Variants in TXNDC12 observed in about 807,000 individuals in gnomAD.
The protein encoded by TXNDC12 is thioredoxin domain-containing protein 12.
Under a neutral mutation model 24.2 loss-of-function variants are expected in TXNDC12, and 22 were observed. The ratio of observed to expected loss-of-function variants is 0.91; its 90% confidence interval spans 0.65 to 1.30. The LOEUF is 1.30. TXNDC12 is among the 50% of genes most tolerant of loss of function. TXNDC12 has a pLI of 0.00. For synonymous variants in TXNDC12, 58 were observed against 73.4 expected (o/e 0.79, Z 1.07); for missense variants, 184 against 205.8 (o/e 0.89, Z 0.65).
intron 1 of TXNDC12, among the ~76,000 whole-genome samples, chr1:52,042,258 C>CT (rs1170164046): frequency 1.3e-5 from 2 of 151,986 alleles, no homozygotes; most frequent in African/African-American, 4.8e-5. Context: ...ACAGAATGGT[C>CT]TTTCTAAATC....
At chr1:52,056,056 C>T (rs1686339103), upstream of TXNDC12, 1 of 152,176 alleles carries the variant, frequency 6.6e-6, no homozygotes, top group Non-Finnish European at 1.5e-5. Flanking sequence ...TAAAAACATA[C>T]CGACCACCCT....
chr1:52,039,662 C>T (rs1306997191), intron 2 of TXNDC12, among the ~76,000 whole-genome samples: 2 of 152,178 alleles, frequency 1.3e-5, no homozygotes, highest in Non-Finnish European at 2.9e-5. Flanking sequence ...ATACGCAATA[C>T]ACTGGAGAGA....
At chr1:52,026,611 A>C (rs1685674714) in intron 4 of TXNDC12, among the ~76,000 whole-genome samples, 1 of 152,194 alleles carries the variant, frequency 6.6e-6, no homozygotes, top group Admixed American at 6.5e-5. Context: ...AAATCTAGTC[A>C]TCTTAAGGCT....
intron 6 of TXNDC12, among the ~76,000 whole-genome samples, chr1:52,022,368 AC>A (rs1685610063): frequency 6.6e-6 from 1 of 152,158 alleles, no homozygotes. Flanking sequence ...AAAAAGCATG[AC>A]TGGCTGACGA....
At chr1:52,032,497 C>T (rs1045777549) in intron 2 of TXNDC12, 2 of 1,347,992 alleles carry the variant, frequency 1.5e-6, no homozygotes, top group Non-Finnish European at 1.9e-6. Context: ...CACAATAGTT[C>T]TCCATTCTCT....
chr1:52,037,578 C>A (rs1685908186), intron 2 of TXNDC12, among the ~76,000 whole-genome samples: 1 of 152,100 alleles, frequency 6.6e-6, no homozygotes, highest in South Asian at 2.1e-4. Flanking sequence ...GAGTATTGTC[C>A]AACATCAAAA....
intron 4 of TXNDC12, among the ~76,000 whole-genome samples, 190 bp downstream of exon 4, chr1:52,027,085 C>T (rs1571998581): frequency 6.6e-6 from 1 of 152,008 alleles, no homozygotes; most frequent in East Asian, 1.9e-4. Flanking sequence ...CTCCTAGTTC[C>T]TCCCAGAAAT....
chr1:52,054,926 C>A, intron 1 of TXNDC12, 74 bp downstream of exon 1: 1 of 1,185,202 alleles, frequency 8.4e-7, no homozygotes, highest in Non-Finnish European at 1.3e-6. Flanking sequence ...GGGAACGGTG[C>A]TAGGGCAAGA....
chr1:52,032,745 C>T (rs760822450), intron 2 of TXNDC12: 9 of 1,613,440 alleles, frequency 5.6e-6, no homozygotes, highest in South Asian at 1.1e-5. Flanking sequence ...TGGCCAGTTG[C>T]GGCAAGTTCT....
At chr1:52,041,420 T>C (rs1310714978) in intron 2 of TXNDC12, 117 bp downstream of exon 2, 1 of 568,382 alleles carries the variant, frequency 1.8e-6, no homozygotes, top group Admixed American at 3.0e-5. Context: ...TTGTTGTAAT[T>C]AGGCAACTAT....
At chr1:52,042,030 A>G (rs1437534269) in intron 1 of TXNDC12, among the ~76,000 whole-genome samples, 2 of 152,212 alleles carry the variant, frequency 1.3e-5, no homozygotes, top group Non-Finnish European at 2.9e-5. Context: ...ACGTGTGTGA[A>G]TTCTTGTGAG....
At chr1:52,033,273 A>C (rs1051611415) in intron 2 of TXNDC12, 19 of 1,613,862 alleles carry the variant, frequency 1.2e-5, no homozygotes, top group Non-Finnish European at 1.6e-5. Flanking sequence ...GGGCACTTCC[A>C]TTTACTACAG....
At chr1:52,031,400 C>T (rs1303958779) in intron 2 of TXNDC12, among the ~76,000 whole-genome samples, 4 of 151,850 alleles carry the variant, frequency 2.6e-5, no homozygotes, top group Non-Finnish European at 4.4e-5. Context: ...CCTTGTGATC[C>T]ACCCGCCTTG....
chr1:52,052,060 T>C (rs895382612), intron 1 of TXNDC12, among the ~76,000 whole-genome samples: 1 of 152,226 alleles, frequency 6.6e-6, no homozygotes, highest in Admixed American at 6.5e-5. Context: ...TGTTTTTTGA[T>C]TGAATCCTCC....
intron 1 of TXNDC12, among the ~76,000 whole-genome samples, chr1:52,048,615 C>G (rs1238920840): frequency 6.6e-6 from 1 of 152,082 alleles, no homozygotes; most frequent in Non-Finnish European, 1.5e-5. Flanking sequence ...GCCTGTAATC[C>G]CATTACTTTG....
Position 52,036,345 on chromosome 1 carries a change from AAAAG to A in TXNDC12, c.158+5188_158+5191del, listed in dbSNP as rs1270873659. Among the ~76,000 whole-genome samples, 25 of 152,190 alleles carry A rather than the reference AAAAG, an allele frequency of 1.6e-4. 1 individual carries two copies. Among genetic ancestry groups the A allele is most frequent in the Non-Finnish European group, 1.3e-4 (9 of 68,040 alleles). On this transcript the variant is annotated intron_variant, in intron 2 of 6. Transcript: ENST00000371626. ...GGAAGCAGGGGGGCAAAAAAGAAGA[AAAAG>A]AAAATCATAAAGAAGCAAAAATATA... is the stretch of plus-strand genomic sequence containing the variant.
rs530048885 is a variant in TXNDC12, at chr1:52,038,796, C to T, written c.158+2741G>A. ...TTTTATAGTACCCATGTAAAAGCTACATATTATGCACATAAAAAGGCATTT... is the reference window on the plus strand; with the variant it reads ...TTTTATAGTACCCATGTAAAAGCTATATATTATGCACATAAAAAGGCATTT... On this transcript the variant is annotated intron_variant, in intron 2 of 6. Transcript: ENST00000371626. Among the ~76,000 whole-genome samples the T allele has an allele frequency of 5.3e-5, 8 of 151,672 alleles. No homozygotes were observed. In the East Asian group the frequency reaches 1.5e-3, roughly 29 times the overall value.
At chr1:52,027,417 A>T (rs182252290) in intron 3 of TXNDC12, 69 bp from the exon 4 acceptor site, 1 of 1,158,356 alleles carries the variant, frequency 8.6e-7, no homozygotes, top group Admixed American at 1.8e-5. Context: ...AACGAACATA[A>T]GCATCACTAT....
intron 6 of TXNDC12, 25 bp downstream of exon 6, chr1:52,023,466 C>T (rs1234589633): frequency 6.3e-7 from 1 of 1,585,536 alleles, no homozygotes; most frequent in South Asian, 1.1e-5. Flanking sequence ...AGCAATAATC[C>T]TCCCTCCCTT....
Sources: allele counts gnomAD v4.1 joint callset (sites outside exome capture counted in the v4.1 genomes callset), GRCh38; gene constraint gnomAD v4.1.1; transcripts MANE v1.5; gene names NCBI Gene and HGNC (gene_info 2026-07-23, HGNC 2026-07-21).